MARCHF1: variants seen among roughly 807,000 people sequenced by gnomAD.
The protein encoded by MARCHF1 is membrane associated ring-CH-type finger 1.
MARCHF1 carries 40 observed loss-of-function variants against 54.2 expected under a neutral mutation model. The observed-to-expected ratio is 0.74, with a 90% CI of 0.57 to 0.96. The LOEUF (loss-of-function observed/expected upper bound fraction) is 0.96. Among genes scored for constraint, MARCHF1 ranks in the 40% least tolerant of loss-of-function variants. The probability of loss-of-function intolerance (pLI) is 0.00; values close to 1 mark genes in which losing one functional copy is unlikely to be tolerated. For missense variants in MARCHF1, 586 were observed against 656.5 expected, an observed-to-expected ratio of 0.89 and a Z score of 1.17; for synonymous variants, 236 against 236.3, an observed-to-expected ratio of 1.00 and a Z score of 0.01.
chr4:164,027,637 T>C (rs1753799539), intron 2 of MARCHF1, among the ~76,000 whole-genome samples: 1 of 151,942 alleles, frequency 6.6e-6, no homozygotes, highest in Non-Finnish European at 1.5e-5. Flanking sequence ...GATGTCAAAT[T>C]ATAAAAATCC....
At chr4:163,933,978 C>T (rs1469134108) in intron 3 of MARCHF1, among the ~76,000 whole-genome samples, 11 of 152,204 alleles carry the variant, frequency 7.2e-5, no homozygotes. Context: ...CATGTTGCTG[C>T]CAGAATACAA....
intron 4 of MARCHF1, among the ~76,000 whole-genome samples, chr4:163,767,338 CT>C (rs199922569): frequency 2.1e-3 from 295 of 141,620 alleles, no homozygotes; most frequent in African/African-American, 2.8e-3. Flanking sequence ...ATTGCATTGC[CT>C]TTTTTTTTTT....
At chr4:163,707,973 GC>G (rs1434222552) in intron 4 of MARCHF1, among the ~76,000 whole-genome samples, 1 of 151,766 alleles carries the variant, frequency 6.6e-6, no homozygotes, top group East Asian at 1.9e-4. Context: ...ACAGAGGGGG[GC>G]CACAGGGAAA....
chr4:164,109,631 T>C (rs938206320), intron 2 of MARCHF1, among the ~76,000 whole-genome samples: 1 of 151,792 alleles, frequency 6.6e-6, no homozygotes, highest in African/African-American at 2.4e-5. Flanking sequence ...CTTCATTAGC[T>C]GACTCAACCA....
chr4:163,566,265 G>A (rs1343689463), intron 8 of MARCHF1, among the ~76,000 whole-genome samples: 1 of 152,150 alleles, frequency 6.6e-6, no homozygotes, highest in Non-Finnish European at 1.5e-5. Context: ...ATCAGAGGTG[G>A]TCCCCAGTGC....
At chr4:164,018,433 A>G (rs1269103624) in intron 2 of MARCHF1, among the ~76,000 whole-genome samples, 1 of 151,950 alleles carries the variant, frequency 6.6e-6, no homozygotes, top group Non-Finnish European at 1.5e-5. Flanking sequence ...AACTCTGCCT[A>G]TTTAGACATA....
At chr4:163,898,538 T>A (rs889786169) in intron 3 of MARCHF1, among the ~76,000 whole-genome samples, 2 of 152,162 alleles carry the variant, frequency 1.3e-5, no homozygotes, top group Admixed American at 1.3e-4. Flanking sequence ...GAACAACAGA[T>A]GTTGGTGAGG....
At chr4:163,598,939 C>T (rs998427855) in intron 7 of MARCHF1, among the ~76,000 whole-genome samples, 16 of 152,046 alleles carry the variant, frequency 1.1e-4, no homozygotes, top group Admixed American at 4.6e-4. Flanking sequence ...ATAAATTGTT[C>T]GGCTGTTTAA....
At position 164,312,756 on chromosome 4, in the gene MARCHF1, C is replaced by T. The variant is rs1312148306; in HGVS notation, c.-323+71114G>A. Among the ~76,000 whole-genome samples, 5 of 151,560 alleles carry T rather than the reference C, an allele frequency of 3.3e-5. 1 individual carries two copies. The South Asian group carries it at 8.3e-4, about 25-fold the overall frequency. On this transcript the variant is annotated intron_variant, in intron 1 of 9. Transcript: ENST00000514618. Reference sequence around the variant, plus strand: ...ATGTGGAAGGAAATATATATATATACATATCAACAGATTTTAATAACCTTT... The same window carrying T: ...ATGTGGAAGGAAATATATATATATATATATCAACAGATTTTAATAACCTTT...
chr4:164,144,035 A>C (rs1729587865), intron 1 of MARCHF1, among the ~76,000 whole-genome samples: 1 of 152,202 alleles, frequency 6.6e-6, no homozygotes, highest in South Asian at 2.1e-4. Flanking sequence ...TCTCTGATAA[A>C]ACAGGCTTTA....
intron 5 of MARCHF1, among the ~76,000 whole-genome samples, chr4:163,648,356 T>A (rs1046014525): frequency 2.0e-5 from 3 of 151,926 alleles, no homozygotes; most frequent in Non-Finnish European, 4.4e-5. Context: ...ATTTTGGACA[T>A]GTACAGAACA....
intron 3 of MARCHF1, among the ~76,000 whole-genome samples, chr4:163,979,591 C>T (rs1400859633): frequency 2.0e-5 from 3 of 151,090 alleles, no homozygotes; most frequent in South Asian, 4.2e-4. Flanking sequence ...CCTGAGGAAT[C>T]GCCACACTGA....
intron 1 of MARCHF1, among the ~76,000 whole-genome samples, chr4:164,219,874 G>A (rs1369307730): frequency 6.6e-6 from 1 of 151,842 alleles, no homozygotes; most frequent in Non-Finnish European, 1.5e-5. Flanking sequence ...GAACATACAT[G>A]TGTTTGATTT....
intron 5 of MARCHF1, among the ~76,000 whole-genome samples, chr4:163,695,473 C>A (rs922833070): frequency 1.5e-4 from 23 of 152,092 alleles, no homozygotes; most frequent in African/African-American, 5.1e-4. Context: ...ATTTTATAAA[C>A]TTTACCTTGA....
At position 163,619,024 on chromosome 4, in the gene MARCHF1, A is replaced by G. The variant is rs553127178; in HGVS notation, c.163-5631T>C. Among the ~76,000 whole-genome samples the G allele has an allele frequency of 2.0e-5, 3 of 152,286 alleles. No individual in the cohort carries two copies. The East Asian group carries it at 5.8e-4, about 29-fold the overall frequency. ...CAAGGACAAGGATGTGTCAAAACAC[A>G]GAGTAGAGAGAAGACGTCTTGGTAT... is the stretch of plus-strand genomic sequence containing the variant. On this transcript the variant is annotated intron_variant, in intron 5 of 9. Transcript: ENST00000514618.
intron 1 of MARCHF1, among the ~76,000 whole-genome samples, chr4:164,169,362 T>C (rs1158964198): frequency 6.6e-6 from 1 of 152,056 alleles, no homozygotes; most frequent in Non-Finnish European, 1.5e-5. Context: ...TATGTAGGCA[T>C]GTTAGGTGAG....
chr4:163,719,621 G>T (rs2111283509), intron 4 of MARCHF1, among the ~76,000 whole-genome samples: 1 of 152,030 alleles, frequency 6.6e-6, no homozygotes, highest in African/African-American at 2.4e-5. Context: ...CTTCCACAAT[G>T]GTTGAACTAG....
chr4:163,822,072 T>G (rs186635712), intron 4 of MARCHF1, among the ~76,000 whole-genome samples: 3 of 152,082 alleles, frequency 2.0e-5, no homozygotes, highest in Admixed American at 2.0e-4. Flanking sequence ...TTAATTACTT[T>G]TTATTTATCC....
chr4:164,359,763 G>A (rs1561018251), intron 1 of MARCHF1, among the ~76,000 whole-genome samples: 2 of 152,012 alleles, frequency 1.3e-5, no homozygotes, highest in Admixed American at 6.6e-5. Flanking sequence ...TAACATATGT[G>A]CTTACATTTT....
Sources: allele counts gnomAD v4.1 joint callset (sites outside exome capture counted in the v4.1 genomes callset), GRCh38; gene constraint gnomAD v4.1.1; transcripts MANE v1.5; gene names NCBI Gene and HGNC (gene_info 2026-07-23, HGNC 2026-07-21).